The following DPP10 variants were observed in gnomAD, a reference collection of about 807,000 sequenced individuals.
DPP10 encodes the protein dipeptidyl peptidase like 10.
In DPP10, 33 loss-of-function variants were observed where a neutral mutation model predicts 120.9. The observed-to-expected ratio is 0.27, with a 90% CI of 0.21 to 0.37. The LOEUF (loss-of-function observed/expected upper bound fraction) is 0.37. DPP10 is among the 10% of genes least tolerant of loss of function. DPP10 has a pLI of 1.00. For missense variants in DPP10, 816 were observed against 942.8 expected (o/e 0.87, Z 1.76); for synonymous variants, 337 against 326.1 (o/e 1.03, Z -0.36).
intron 1 of DPP10, among the ~76,000 whole-genome samples, chr2:114,443,103 T>C (rs768075909): frequency 6.6e-6 from 1 of 152,140 alleles, no homozygotes; most frequent in African/African-American, 2.4e-5. Flanking sequence ...GAAGAAAGTT[T>C]TGTGAGTGTC....
chr2:114,941,208 A>G (rs1696871711), intron 1 of DPP10, among the ~76,000 whole-genome samples: 3 of 152,232 alleles, frequency 2.0e-5, no homozygotes, highest in South Asian at 4.1e-4. Context: ...CATCAAAATA[A>G]TGCATAGACA....
At chr2:115,406,771 C>G (rs766405380) in intron 3 of DPP10, among the ~76,000 whole-genome samples, 47 of 152,082 alleles carry the variant, frequency 3.1e-4, no homozygotes, top group Non-Finnish European at 5.7e-4. Context: ...AACACTAGAG[C>G]TTTACAATAT....
chr2:115,546,966 TC>T (rs1208015491), intron 5 of DPP10, among the ~76,000 whole-genome samples: 1 of 152,164 alleles, frequency 6.6e-6, no homozygotes, highest in Non-Finnish European at 1.5e-5. Context: ...AGAATTAACA[TC>T]CGCTGAGCCT....
chr2:115,417,690 TC>T (rs2069557044), intron 3 of DPP10, among the ~76,000 whole-genome samples: 1 of 152,190 alleles, frequency 6.6e-6, no homozygotes, highest in Admixed American at 6.5e-5. Context: ...ATAGCCTGGT[TC>T]CAGGTGCCTT....
intron 1 of DPP10, among the ~76,000 whole-genome samples, chr2:114,821,736 C>T (rs1364231084): frequency 6.6e-6 from 1 of 152,162 alleles, no homozygotes; most frequent in Non-Finnish European, 1.5e-5. Context: ...AACAAAGGGG[C>T]TACAAGCTCC....
intron 1 of DPP10, among the ~76,000 whole-genome samples, chr2:114,455,540 G>T (rs1678526267): frequency 7.1e-6 from 1 of 141,538 alleles, no homozygotes; most frequent in Admixed American, 6.9e-5. Flanking sequence ...TCAAGACTCT[G>T]TCTCAAAAAA....
chr2:114,553,912 C>T (rs1040599656), intron 1 of DPP10, among the ~76,000 whole-genome samples: 1 of 152,190 alleles, frequency 6.6e-6, no homozygotes, highest in East Asian at 1.9e-4. Flanking sequence ...CAATAGATCA[C>T]ACAAGATTCC....
intron 1 of DPP10, among the ~76,000 whole-genome samples, chr2:114,853,916 G>C (rs1390340243): frequency 6.6e-6 from 1 of 152,214 alleles, no homozygotes; most frequent in East Asian, 1.9e-4. Context: ...GCCTTCAGCT[G>C]TCTGCCGCCC....
chr2:115,389,668 A>G (rs2067194712), intron 3 of DPP10, among the ~76,000 whole-genome samples: 1 of 152,134 alleles, frequency 6.6e-6, no homozygotes. Flanking sequence ...CATGAATTAT[A>G]ACACCCACTA....
At chr2:114,960,223 C>T (rs1698509112) in intron 1 of DPP10, among the ~76,000 whole-genome samples, 1 of 152,046 alleles carries the variant, frequency 6.6e-6, no homozygotes, top group Admixed American at 6.5e-5. Context: ...TTCCTATGAA[C>T]TTTCATTTTG....
intron 1 of DPP10, among the ~76,000 whole-genome samples, chr2:115,178,317 C>T (rs1487866310): frequency 6.6e-6 from 1 of 152,152 alleles, no homozygotes; most frequent in East Asian, 1.9e-4. Flanking sequence ...TAGGGGCAGA[C>T]AATCCAGGTT....
chr2:114,948,256 T>C (rs1482287893), intron 1 of DPP10, among the ~76,000 whole-genome samples: 1 of 152,184 alleles, frequency 6.6e-6, no homozygotes, highest in Non-Finnish European at 1.5e-5. Context: ...ATTTAATTTT[T>C]AATGCTTTAT....
At chr2:115,203,283 C>G (rs2055876611) in intron 1 of DPP10, among the ~76,000 whole-genome samples, 1 of 152,042 alleles carries the variant, frequency 6.6e-6, no homozygotes, top group East Asian at 1.9e-4. Context: ...CCTCTCCAAC[C>G]TTATTTTTTC....
intron 5 of DPP10, among the ~76,000 whole-genome samples, chr2:115,576,616 T>G (rs2081674297): frequency 6.6e-6 from 1 of 152,184 alleles, no homozygotes; most frequent in South Asian, 2.1e-4. Flanking sequence ...ATGTACAGAT[T>G]GGAGGATTTG....
intron 3 of DPP10, among the ~76,000 whole-genome samples, chr2:115,460,544 A>G (rs1412269497): frequency 1.3e-5 from 2 of 152,178 alleles, no homozygotes; most frequent in Non-Finnish European, 2.9e-5. Flanking sequence ...AATATATTCA[A>G]GTTTCTCAAG....
At chr2:115,838,855 A>G (rs2150128963) in intron 24 of DPP10, among the ~76,000 whole-genome samples, 1 of 152,312 alleles carries the variant, frequency 6.6e-6, no homozygotes, top group Admixed American at 6.5e-5. Flanking sequence ...GGCCTGGTGA[A>G]TTATAGGTGC....
intron 21 of DPP10, among the ~76,000 whole-genome samples, chr2:115,835,447 G>A (rs1483040043): frequency 6.6e-6 from 1 of 152,124 alleles, no homozygotes; most frequent in African/African-American, 2.4e-5. Context: ...CGGAAAGAGA[G>A]GGAGAGAAAG....
chr2:114,771,293 C>G (rs1363836273), intron 1 of DPP10, among the ~76,000 whole-genome samples: 1 of 152,222 alleles, frequency 6.6e-6, no homozygotes, highest in Non-Finnish European at 1.5e-5. Context: ...GGGCTATTCA[C>G]TGTGGCCGTA....
chr2:115,478,410 A>G (rs1048053309), intron 3 of DPP10, among the ~76,000 whole-genome samples: 2 of 152,208 alleles, frequency 1.3e-5, no homozygotes, highest in African/African-American at 4.8e-5. Flanking sequence ...ACTAGTTCTA[A>G]GTGAATCTAT....
Sources: gnomAD v4.1 joint callset for allele counts (sites outside exome capture counted in the v4.1 genomes callset) on GRCh38, gnomAD v4.1.1 for gene constraint, MANE v1.5 for transcripts, NCBI Gene and HGNC (gene_info 2026-07-23, HGNC 2026-07-21) for gene names.